IPO5: variants seen among roughly 807,000 people sequenced by gnomAD.
IPO5 encodes importin 5.
IPO5 carries 18 observed loss-of-function variants against 143.3 expected under a neutral mutation model. That is an observed-to-expected ratio of 0.13 (90% CI 0.09 to 0.19). The LOEUF is 0.19. Ranked by LOEUF, IPO5 falls within the 10% of genes least tolerant of loss-of-function variation. The pLI, the probability that IPO5 is intolerant of heterozygous loss-of-function variation, is 1.00. For synonymous variants in IPO5, 477 were observed against 465.7 expected (o/e 1.02, Z -0.31); for missense variants, 1,013 against 1,336.9 (o/e 0.76, Z 3.78).
In IPO5 at chr13:97,963,456, G is replaced by C. The variant is rs546480648; in HGVS notation, c.-112-6267G>C. 5.4e-5 allele frequency among the ~76,000 whole-genome samples: 8 copies of C among 148,650 alleles called. No homozygotes were observed. In the East Asian group the frequency reaches 1.6e-3, roughly 30 times the overall value. Reference sequence around the variant, plus strand: ...GGAATCTCAGCTCACTGCAATCTCCGCCTCCTGGGTTCAAGCAATTCCCTT... The same window carrying C: ...GGAATCTCAGCTCACTGCAATCTCCCCCTCCTGGGTTCAAGCAATTCCCTT... On this transcript the variant is annotated intron_variant, in intron 2 of 28. Transcript: ENST00000651721.
chr13:97,964,740 C>T (rs1425194566), intron 2 of IPO5, among the ~76,000 whole-genome samples: 1 of 151,586 alleles, frequency 6.6e-6, no homozygotes, highest in African/African-American at 2.4e-5. Flanking sequence ...TGAGCCACCG[C>T]GCCCGGCCTC....
intron 4 of IPO5, chr13:97,981,158 C>A: frequency 2.4e-6 from 1 of 424,022 alleles, no homozygotes; most frequent in Non-Finnish European, 4.6e-6. Flanking sequence ...TGTTAAGATC[C>A]TATGTGCTTT....
chr13:98,000,683 G>A lies in IPO5; in HGVS notation c.1108+38G>A. 2.9e-6 allele frequency: 4 copies of A among 1,368,292 alleles called. No homozygotes were observed. In the South Asian group the frequency reaches 4.6e-5, roughly 16 times the overall value. 84.8% of individuals were successfully genotyped at this position (1,368,292 alleles called of 1,614,324 possible). On this transcript the variant is annotated intron_variant, in intron 13 of 28. Coordinates refer to ENST00000651721, the MANE Select transcript of IPO5 (RefSeq NM_002271.6). ...CTTCAAATGCTAGAAGAGTGAAGTT[G>A]TGCCCTTTCTAAAGCTTAAATTCTA...
chr13:97,991,201 T>C (rs1473327901), intron 9 of IPO5, among the ~76,000 whole-genome samples: 1 of 152,170 alleles, frequency 6.6e-6, no homozygotes, highest in East Asian at 1.9e-4. Flanking sequence ...TAATGTAATA[T>C]ATATGCATAA....
chr13:97,961,747 A>G (rs1884901037), intron 2 of IPO5, among the ~76,000 whole-genome samples: 1 of 152,208 alleles, frequency 6.6e-6, no homozygotes, highest in Admixed American at 6.5e-5. Flanking sequence ...GTCTATTCAA[A>G]TGTTTTACCC....
chr13:97,983,700 T>C (rs1288047428), intron 5 of IPO5, among the ~76,000 whole-genome samples: 3 of 152,242 alleles, frequency 2.0e-5, no homozygotes. Flanking sequence ...TAAGACTTTT[T>C]TTGCTAGCAA....
chr13:97,987,120 G>T, intron 6 of IPO5: 1 of 168,716 alleles, frequency 5.9e-6, no homozygotes, highest in South Asian at 1.8e-4. Flanking sequence ...CAGAACCCAG[G>T]GCATGAAGAT....
intron 11 of IPO5, among the ~76,000 whole-genome samples, chr13:97,994,858 G>A (rs3930650): frequency 0.33 from 49,657 of 152,098 alleles, 10,491 homozygotes; most frequent in Non-Finnish European, 0.47. Flanking sequence ...AGGCATACTG[G>A]CTCAGGCCTG....
At position 97,978,018 on chromosome 13, in the gene IPO5, G is replaced by A. The variant is rs374466085; in HGVS notation, c.90+1232G>A. Among the ~76,000 whole-genome samples the A allele has an allele frequency of 1.2e-3, 178 of 152,248 alleles. 5 individuals carry two copies. The South Asian group carries it at 0.036, about 31-fold the overall frequency. ...TTTTGAATAGATGGTGGATATGCTG[G>A]TTACACTTAGGGGTTTTATATTAAG... On this transcript the variant is annotated intron_variant, in intron 4 of 28. Coordinates refer to ENST00000651721, the MANE Select transcript of IPO5 (RefSeq NM_002271.6).
chr13:97,975,993 A>G, intron 3 of IPO5: 1 of 983,604 alleles, frequency 1.0e-6, no homozygotes, highest in South Asian at 4.7e-5. Context: ...GTCCGTGAGT[A>G]GAAGGTACGT....
chr13:97,979,803 G>A (rs1886692486), intron 4 of IPO5: 1 of 439,294 alleles, frequency 2.3e-6, no homozygotes, highest in Middle Eastern at 3.4e-4. Flanking sequence ...TGGAATTACA[G>A]GCATGAGCCA....
At chr13:98,012,801 A>ATTTTTTTTTTTT (rs59658983) in intron 21 of IPO5, among the ~76,000 whole-genome samples, 1,135 of 109,106 alleles carry the variant, frequency 0.01, 22 homozygotes, top group Middle Eastern at 0.02. Flanking sequence ...GCTAGATTTG[A>ATTTTTTTTTTTT]TTTTTTTTTT....
intron 2 of IPO5, among the ~76,000 whole-genome samples, chr13:97,968,052 G>C (rs886619094): frequency 1.3e-5 from 2 of 151,968 alleles, no homozygotes; most frequent in Non-Finnish European, 2.9e-5. Context: ...TGAATTCCTG[G>C]GCTCAAAGGA....
chr13:97,983,965 C>CTTTTT (rs71117684), intron 5 of IPO5, among the ~76,000 whole-genome samples: 2,074 of 45,972 alleles, frequency 0.045, 489 homozygotes, highest in Admixed American at 0.06. Flanking sequence ...AGGGTAACTT[C>CTTTTT]TTTTTTTTTT....
chr13:97,995,164 A>T (rs1474668982), intron 11 of IPO5, among the ~76,000 whole-genome samples: 5 of 145,304 alleles, frequency 3.4e-5, no homozygotes, highest in East Asian at 2.0e-4. Context: ...TCTTTCTTTC[A>T]TTCTTTCTTT....
intron 12 of IPO5, among the ~76,000 whole-genome samples, chr13:97,999,036 G>A (rs528672099): frequency 2.0e-4 from 31 of 152,148 alleles, no homozygotes; most frequent in African/African-American, 6.0e-4. Flanking sequence ...CCAGCTACTC[G>A]GGAAGCTAAG....
At chr13:97,976,034 G>T in intron 3 of IPO5, 1 of 864,730 alleles carries the variant, frequency 1.2e-6, no homozygotes, top group Non-Finnish European at 1.4e-6. Flanking sequence ...CTGCCTTCCT[G>T]GGGGTGGGTG....
At position 97,973,146 on chromosome 13, in the gene IPO5, G is replaced by C. The variant is rs1037652791; in HGVS notation, c.-5+3316G>C. Among the ~76,000 whole-genome samples, 4 of 145,602 alleles carry C rather than the reference G, an allele frequency of 2.7e-5. No homozygotes were observed. The Admixed American group carries it at 2.8e-4, about 10-fold the overall frequency. ...CAACCTCCGTCTCCTGGGTTCAAGC[G>C]ATTCTCCTGCCTCAGCCTCCAGAGT... On this transcript the variant is annotated intron_variant, in intron 3 of 28. Coordinates refer to ENST00000651721, the MANE Select transcript of IPO5 (RefSeq NM_002271.6).
chr13:98,000,272 G>A (rs1479878863), intron 12 of IPO5, among the ~76,000 whole-genome samples: 1 of 151,350 alleles, frequency 6.6e-6, no homozygotes, highest in African/African-American at 2.4e-5. Flanking sequence ...GTGACAGAGC[G>A]AGACTCTGTC....
Sources: allele counts gnomAD v4.1 joint callset (sites outside exome capture counted in the v4.1 genomes callset), GRCh38; gene constraint gnomAD v4.1.1; transcripts MANE v1.5; gene names NCBI Gene and HGNC (gene_info 2026-07-23, HGNC 2026-07-21).